Variants in INTS8 observed in about 807,000 individuals in gnomAD.
INTS8 encodes the protein integrator complex subunit 8.
A neutral mutation model predicts 138.9 loss-of-function variants in INTS8; 47 were observed. That is an observed-to-expected ratio of 0.34 (90% CI 0.27 to 0.43). The LOEUF (loss-of-function observed/expected upper bound fraction) is 0.43, where lower values mean the gene tolerates loss of function less well. INTS8 is among the 20% of genes least tolerant of loss of function. The pLI, the probability that INTS8 is intolerant of heterozygous loss-of-function variation, is 1.00. For synonymous variants in INTS8, 392 were observed against 400.9 expected, an observed-to-expected ratio of 0.98 and a Z score of 0.27; for missense variants, 996 against 1,173.0, an observed-to-expected ratio of 0.85 and a Z score of 2.20.
chr8:94,827,832 C>T (rs777413320), intron 4 of INTS8, 39 bp downstream of exon 4: 3 of 1,488,130 alleles, frequency 2.0e-6, no homozygotes, highest in Non-Finnish European at 2.8e-6. Flanking sequence ...GCACTTTTTT[C>T]ATTGGAGTTT....
chr8:94,827,457 T>C, intron 3 of INTS8, 54 bp downstream of exon 3: 1 of 1,576,908 alleles, frequency 6.3e-7, no homozygotes, highest in Non-Finnish European at 8.7e-7. Context: ...TTTATTGCAC[T>C]GTGGCTTTCA....
chr8:94,840,913 A>G (rs1022294928), intron 8 of INTS8, among the ~76,000 whole-genome samples: 1 of 131,498 alleles, frequency 7.6e-6, no homozygotes, highest in Non-Finnish European at 1.6e-5. Context: ...GAGAATAATA[A>G]TTTTTTTTTT....
chr8:94,829,358 G>A (rs1003958191), intron 5 of INTS8, among the ~76,000 whole-genome samples: 1 of 151,660 alleles, frequency 6.6e-6, no homozygotes, highest in Non-Finnish European at 1.5e-5. Flanking sequence ...AGATCATCAG[G>A]CATTAATTCT....
Position 94,849,927 on chromosome 8 carries a change from T to C in INTS8, c.1343T>C (p.Leu448Pro). The C allele has an allele frequency of 6.2e-7, 1 of 1,610,238 alleles. No individual in the cohort carries two copies. Among genetic ancestry groups the C allele is most frequent in the East Asian group, 2.2e-5 (1 of 44,792 alleles). Residue 448 changes from leucine (L) to proline (P), a missense_variant, in exon 12 of 27, where the codon CTG becomes CCG. By Grantham distance (98) the Leu-to-Pro change is moderately conservative. Coordinates refer to ENST00000523731, the MANE Select transcript of INTS8 (RefSeq NM_017864.4). ...NMAAFLKNVCLGLEDLQYVFM... is the reference protein window; with the variant it reads ...NMAAFLKNVCPGLEDLQYVFM... ...TCTTACTGATCTAGGAATGTGTGTC[T>C]GGGGTTGGAAGATCTGCAGTATGTT...
Position 94,856,788 on chromosome 8 carries a change from T to C in INTS8, c.1764T>C (p.His588=). 1.2e-6 allele frequency: 2 copies of C among 1,614,152 alleles called. No individual in the cohort carries two copies. The highest frequency in any genetic ancestry group is 1.7e-6 in the Non-Finnish European group (2 of 1,179,990). The change falls in exon 15 of 27, where the codon CAT becomes CAC. Residue 588 remains histidine (H), a synonymous_variant. Transcript: ENST00000523731. ...TTTTCTTTTCATAGGACTTTTCCCA[T>C]GCTAAACAGCTCTTTGCTGCTTGTT... The part of the protein sequence containing the change: ...LHCSTVKDFS[H]AKQLFAACLE...
At chr8:94,844,142 G>C (rs1815244602) in intron 10 of INTS8, among the ~76,000 whole-genome samples, 2 of 151,798 alleles carry the variant, frequency 1.3e-5, no homozygotes, top group African/African-American at 4.8e-5. Context: ...AGGTTCAAGC[G>C]ATTCTCCTGC....
intron 4 of INTS8, among the ~76,000 whole-genome samples, chr8:94,828,329 C>T (rs748375482): frequency 6.6e-6 from 1 of 152,144 alleles, no homozygotes; most frequent in African/African-American, 2.4e-5. Context: ...GTGTGAGCCA[C>T]GGCACCCAGC....
intron 6 of INTS8, among the ~76,000 whole-genome samples, chr8:94,833,492 T>G (rs1814805200): frequency 1.3e-5 from 2 of 152,330 alleles, no homozygotes; most frequent in South Asian, 4.1e-4. Flanking sequence ...GTGCTGGGAT[T>G]ACAGGATACT....
At position 94,827,247 on chromosome 8, in the gene INTS8, G is replaced by A. The variant is rs767669653; in HGVS notation, c.306-16G>A. Reference sequence around the variant, plus strand: ...TCACAATTAATGTGCAAACATGTACGTTTTGCTTCTTCAAGTTTGTCTGTT... The same window carrying A: ...TCACAATTAATGTGCAAACATGTACATTTTGCTTCTTCAAGTTTGTCTGTT... On this transcript the variant is annotated splice_polypyrimidine_tract_variant and intron_variant, in intron 2 of 26. Transcript: ENST00000523731. The A allele has an allele frequency of 1.4e-5, 22 of 1,608,636 alleles. No individual in the cohort carries two copies. The highest frequency in any genetic ancestry group is 3.3e-5 in the South Asian group (3 of 90,666).
Position 94,873,456 on chromosome 8 carries a change from C to A in INTS8, c.2616C>A (p.Pro872=). The part of the protein sequence containing the change: ...VCSDFFNKAV[P]PDVYTDQVIK... ...CTGACTTCTTTAACAAGGCTGTGCC[C>A]CCTGATGTTTATACAGACCAGGTGA... The change falls in exon 22 of 27, where the codon CCC becomes CCA. Residue 872 remains proline, a synonymous_variant. Transcript: ENST00000523731. The A allele has an allele frequency of 3.1e-6, 5 of 1,612,688 alleles. No individual in the cohort carries two copies. Among genetic ancestry groups the A allele is most frequent in the Non-Finnish European group, 4.2e-6 (5 of 1,178,662 alleles).
intron 20 of INTS8, among the ~76,000 whole-genome samples, chr8:94,871,280 A>C (rs1816386347): frequency 6.7e-6 from 1 of 150,372 alleles, no homozygotes; most frequent in Non-Finnish European, 1.5e-5. Flanking sequence ...CAGCCTGGCC[A>C]ACATGGTGAA....
chr8:94,867,599 C>T (rs1816229928), intron 20 of INTS8: 1 of 288,610 alleles, frequency 3.5e-6, no homozygotes. Flanking sequence ...TCTCTGCTCA[C>T]TGCAATCTCT....
chr8:94,851,729 T>A, intron 13 of INTS8, 43 bp downstream of exon 13: 1 of 1,510,918 alleles, frequency 6.6e-7, no homozygotes, highest in East Asian at 2.5e-5. Flanking sequence ...TGCCCTTGTT[T>A]TCTGAGGTAA....
chr8:94,852,080 T>G (rs1294557565), intron 13 of INTS8, among the ~76,000 whole-genome samples: 6 of 152,058 alleles, frequency 3.9e-5, no homozygotes, highest in Admixed American at 3.3e-4. Context: ...GTAGCTGGGA[T>G]TACAGGTACC....
chr8:94,869,553 C>T (rs990233545), intron 20 of INTS8, among the ~76,000 whole-genome samples: 7 of 151,890 alleles, frequency 4.6e-5, no homozygotes, highest in Non-Finnish European at 1.5e-5. Flanking sequence ...AGTGCAGTGG[C>T]ATGATCTCAG....
chr8:94,838,203 C>T (rs1013742871), intron 7 of INTS8, among the ~76,000 whole-genome samples: 1 of 152,038 alleles, frequency 6.6e-6, no homozygotes, highest in Non-Finnish European at 1.5e-5. Context: ...AGGTGCCCGC[C>T]ACCATGCCTG....
Position 94,880,914 on chromosome 8 carries a change from G to A in INTS8, c.*680G>A. The A allele has an allele frequency of 5.0e-6, 2 of 398,724 alleles. No homozygotes were observed. Among genetic ancestry groups the A allele is most frequent in the Admixed American group, 4.4e-5 (1 of 22,732 alleles). The allele number at this position is 398,724 out of a possible 1,614,324, so 24.7% of individuals were successfully genotyped here. A position where few individuals can be genotyped will look rare whatever the true frequency, so the allele number is the denominator to read the frequency against. ...CTACATGTCAAGAAAGCCCCAGTTA[G>A]GAAGGAGCCACAGCATTTATCTTGT... is the stretch of plus-strand genomic sequence containing the variant. On this transcript the variant is annotated 3_prime_UTR_variant, in exon 27 of 27. Coordinates refer to ENST00000523731, the MANE Select transcript of INTS8 (RefSeq NM_017864.4).
chr8:94,866,297 T>A (rs754562826), intron 18 of INTS8, 106 bp downstream of exon 18: 2 of 704,020 alleles, frequency 2.8e-6, no homozygotes, highest in South Asian at 1.5e-5. Flanking sequence ...ATTTGTTTTT[T>A]AATTTTTTTT....
At chr8:94,879,938 A>G in intron 26 of INTS8, 180 bp from the exon 27 acceptor site, 1 of 444,934 alleles carries the variant, frequency 2.2e-6, no homozygotes, top group Non-Finnish European at 4.1e-6. Context: ...TTTCCTTGAG[A>G]GTGGCCCTGG....
Sources: allele counts gnomAD v4.1 joint callset (sites outside exome capture counted in the v4.1 genomes callset), GRCh38; gene constraint gnomAD v4.1.1; transcripts MANE v1.5; gene names NCBI Gene and HGNC (gene_info 2026-07-23, HGNC 2026-07-21).